VSTM1: variants seen among roughly 807,000 people sequenced by gnomAD.
VSTM1 encodes V-set and transmembrane domain-containing protein 1.
Under a neutral mutation model 33.1 loss-of-function variants are expected in VSTM1, and 27 were observed. The ratio of observed to expected loss-of-function variants is 0.82; its 90% CI spans 0.60 to 1.12. The LOEUF is 1.12. Among genes scored for constraint, VSTM1 ranks in the 50% most tolerant of loss-of-function variants. VSTM1 has a pLI of 0.00. For missense variants in VSTM1, 304 were observed against 288.9 expected (o/e 1.05, Z -0.38); for synonymous variants, 115 against 110.3 (o/e 1.04, Z -0.27).
At chr19:54,047,739 A>G (rs1204119981) in intron 4 of VSTM1, among the ~76,000 whole-genome samples, 1 of 152,184 alleles carries the variant, frequency 6.6e-6, no homozygotes, top group Non-Finnish European at 1.5e-5. Context: ...AGCCTACGGT[A>G]TCTTTCACAC....
Position 54,048,168 on chromosome 19 carries a change from T to G in VSTM1, c.394+3242A>C, listed in dbSNP as rs148565026. ...TCTCGCTCTGTCACCCAGGCTGGAG[T>G]GCTGTGGCGCAATCACAGTTCACTG... On this transcript the variant is annotated intron_variant, in intron 4 of 8. Coordinates refer to ENST00000338372, the MANE Select transcript of VSTM1 (RefSeq NM_198481.4). 8.4e-3 allele frequency among the ~76,000 whole-genome samples: 1,273 copies of G among 152,222 alleles called. 53 individuals carry two copies. The highest frequency in any genetic ancestry group is 0.076 in the Admixed American group (1,160 of 15,282).
chr19:54,043,130 C>G (rs1156590571), intron 4 of VSTM1, among the ~76,000 whole-genome samples: 5 of 151,964 alleles, frequency 3.3e-5, no homozygotes, highest in African/African-American at 1.2e-4. Flanking sequence ...TTCCTTGGAG[C>G]TGGACATTTC....
chr19:54,042,825 TATATATATATATAC>T (rs1414125976), intron 4 of VSTM1, among the ~76,000 whole-genome samples: 4 of 74,414 alleles, frequency 5.4e-5, no homozygotes, highest in East Asian at 2.8e-4. Context: ...TATATATATA[TATATATATATATAC>T]ATATATATAT....
intron 3 of VSTM1, among the ~76,000 whole-genome samples, chr19:54,057,477 T>C (rs1416285620): frequency 1.3e-5 from 2 of 150,498 alleles, no homozygotes; most frequent in Non-Finnish European, 3.0e-5. Context: ...TTCATGCCAC[T>C]GCACTCCTGC....
chr19:54,063,114 G>A (rs2071476897), intron 1 of VSTM1, among the ~76,000 whole-genome samples: 1 of 152,104 alleles, frequency 6.6e-6, no homozygotes, highest in South Asian at 2.1e-4. Context: ...GAGGCGGGCG[G>A]ATCACCTGAG....
intron 4 of VSTM1, among the ~76,000 whole-genome samples, chr19:54,046,010 C>T (rs1233067975): frequency 6.6e-6 from 1 of 152,046 alleles, no homozygotes; most frequent in African/African-American, 2.4e-5. Flanking sequence ...TCTAATCTAT[C>T]ATATCTAGTT....
At chr19:54,062,576 T>C (rs940303942) in intron 1 of VSTM1, among the ~76,000 whole-genome samples, 4 of 151,348 alleles carry the variant, frequency 2.6e-5, no homozygotes, top group African/African-American at 9.7e-5. Context: ...CACAAAAAAT[T>C]AGCCAGGCGT....
intron 4 of VSTM1, among the ~76,000 whole-genome samples, chr19:54,046,493 G>C (rs1012818799): frequency 6.6e-6 from 1 of 152,112 alleles, no homozygotes; most frequent in African/African-American, 2.4e-5. Flanking sequence ...CATTGTGTCG[G>C]ATAATGGGAT....
At chr19:54,063,588 A>T (rs144508174) in intron 1 of VSTM1, among the ~76,000 whole-genome samples, 156 bp downstream of exon 1, 3 of 152,120 alleles carry the variant, frequency 2.0e-5, no homozygotes, top group African/African-American at 7.2e-5. Context: ...TGTGGGCGGC[A>T]GAACTCACAG....
At chr19:54,043,569 G>A (rs139179883) in intron 4 of VSTM1, among the ~76,000 whole-genome samples, 6,625 of 152,034 alleles carry the variant, frequency 0.044, 456 homozygotes, top group African/African-American at 0.15. Flanking sequence ...CCACCATCAC[G>A]CCCGGCTAAT....
chr19:54,044,492 G>T lies in VSTM1; in HGVS notation c.395-2123C>A, dbSNP rs142389571. On this transcript the variant is annotated intron_variant, in intron 4 of 8. Coordinates refer to ENST00000338372, the MANE Select transcript of VSTM1 (RefSeq NM_198481.4). ...AGAGAATTGCTTGAACCTGGGAGGC[G>T]GAGGTTGCAGTGAGCCGAGATCGCA... is the stretch of plus-strand genomic sequence containing the variant. Among the ~76,000 whole-genome samples the T allele has an allele frequency of 2.6e-3, 398 of 152,202 alleles. 5 individuals are homozygous for T. The highest frequency in any genetic ancestry group is 7.5e-3 in the East Asian group (39 of 5,176).
intron 4 of VSTM1, among the ~76,000 whole-genome samples, chr19:54,050,990 CTCTT>C (rs1279484975): frequency 6.7e-6 from 1 of 149,316 alleles, no homozygotes; most frequent in Non-Finnish European, 1.5e-5. Flanking sequence ...CAGAACAAGA[CTCTT>C]TCTCAAAAAA....
At chr19:54,060,833 G>C (rs2071356722) in intron 1 of VSTM1, among the ~76,000 whole-genome samples, 1 of 151,862 alleles carries the variant, frequency 6.6e-6, no homozygotes, top group Non-Finnish European at 1.5e-5. Context: ...TGGGACTACA[G>C]GCATGCACCA....
intron 4 of VSTM1, 92 bp from the exon 5 acceptor site, chr19:54,042,461 G>A: frequency 6.7e-7 from 1 of 1,491,522 alleles, no homozygotes. Context: ...CCAGACAGAT[G>A]GCCTGGCTTC....
intron 1 of VSTM1, among the ~76,000 whole-genome samples, chr19:54,059,846 T>TA (rs1319062370): frequency 4.7e-4 from 70 of 148,416 alleles, no homozygotes; most frequent in African/African-American, 1.6e-3. Flanking sequence ...TGGTGGGTTT[T>TA]TTTTTTTTTT....
rs998434923 is a variant in VSTM1, at chr19:54,057,147, C to T, written c.355+1159G>A. ...CTGGGATTACAGGCATGAGCCACCG[C>T]GCCGTGCCTGGCCTGCATCTATCTT... On this transcript the variant is annotated intron_variant, in intron 3 of 8. Coordinates refer to ENST00000338372, the MANE Select transcript of VSTM1 (RefSeq NM_198481.4). 2.2e-4 allele frequency among the ~76,000 whole-genome samples: 31 copies of T among 140,280 alleles called. 3 individuals are homozygous for T. The highest frequency in any genetic ancestry group is 7.4e-4 in the African/African-American group (28 of 38,074). 92.0% of individuals were successfully genotyped at this position (140,280 alleles called of 152,430 possible).
chr19:54,046,082 A>G (rs1168814537), intron 4 of VSTM1, among the ~76,000 whole-genome samples: 1 of 152,018 alleles, frequency 6.6e-6, no homozygotes, highest in East Asian at 1.9e-4. Flanking sequence ...CTTACCTATC[A>G]TCTGTCTATC....
intron 8 of VSTM1, 78 bp from the exon 9 acceptor site, chr19:54,041,158 A>C: frequency 7.2e-7 from 1 of 1,392,466 alleles, no homozygotes; most frequent in Non-Finnish European, 9.5e-7. Context: ...ATTGACATTT[A>C]AGTTAATTAC....
intron 4 of VSTM1, 116 bp downstream of exon 4, chr19:54,051,294 A>C (rs1568465458): frequency 9.9e-7 from 1 of 1,014,982 alleles, no homozygotes; most frequent in Non-Finnish European, 1.4e-6. Flanking sequence ...TCTATCTCAA[A>C]AAACAAACAA....
Sources: allele counts gnomAD v4.1 joint callset (sites outside exome capture counted in the v4.1 genomes callset), GRCh38; gene constraint gnomAD v4.1.1; transcripts MANE v1.5; gene names NCBI Gene and HGNC (gene_info 2026-07-23, HGNC 2026-07-21).